The following SLC7A2 variants were observed in gnomAD, a reference collection of about 807,000 sequenced individuals.
SLC7A2 encodes cationic amino acid transporter 2.
In SLC7A2, 48 loss-of-function variants were observed where a neutral mutation model predicts 58.9. The observed-to-expected ratio is 0.82, with a 90% CI of 0.65 to 1.04. The LOEUF is 1.04. SLC7A2 is among the 50% of genes least tolerant of loss of function. The probability of loss-of-function intolerance (pLI) is 0.00; values close to 1 mark genes in which losing one functional copy is unlikely to be tolerated. For synonymous variants in SLC7A2, 363 were observed against 314.5 expected (o/e 1.15, Z -1.63); for missense variants, 1,029 against 818.8 (o/e 1.26, Z -3.13).
chr8:17,543,250 G>T, intron 2 of SLC7A2, 68 bp from the exon 3 acceptor site: 1 of 1,413,792 alleles, frequency 7.1e-7, no homozygotes, highest in South Asian at 1.3e-5. Context: ...ATTGTGCCTG[G>T]AAGCTAGGTT....
At chr8:17,561,021 C>G (rs932759986) in intron 10 of SLC7A2, among the ~76,000 whole-genome samples, 20 of 152,212 alleles carry the variant, frequency 1.3e-4, no homozygotes, top group Admixed American at 1.3e-3. Context: ...CGTACTCTCA[C>G]TGGCCTTTAC....
At chr8:17,521,092 T>C (rs1169254379) in intron 2 of SLC7A2, among the ~76,000 whole-genome samples, 1 of 152,214 alleles carries the variant, frequency 6.6e-6, no homozygotes, top group Non-Finnish European at 1.5e-5. Flanking sequence ...GGCTAATATA[T>C]GTAAGGTAAC....
In SLC7A2 at chr8:17,567,139, G is replaced by C. The variant is rs1187207179; in HGVS notation, c.*1993G>C. ...CCAGAATTTTCTCTCAAGCTGCGTG[G>C]TTTACTGGAGAGAAGGAGTTGGATA... On this transcript the variant is annotated 3_prime_UTR_variant, in exon 13 of 13. Coordinates refer to ENST00000494857, the MANE Select transcript of SLC7A2 (RefSeq NM_001370338.1). 6.6e-6 allele frequency: 1 copy of C among 152,578 alleles called. No individual in the cohort carries two copies. Among genetic ancestry groups the C allele is most frequent in the Non-Finnish European group, 1.5e-5 (1 of 68,042 alleles). The allele number at this position is 152,578 out of a possible 1,614,324, so 9.5% of individuals were successfully genotyped here. A position where few individuals can be genotyped will look rare whatever the true frequency, so the allele number is the denominator to read the frequency against.
intron 2 of SLC7A2, among the ~76,000 whole-genome samples, chr8:17,509,135 G>A (rs774307772): frequency 6.6e-6 from 1 of 151,920 alleles, no homozygotes; most frequent in African/African-American, 2.4e-5. Flanking sequence ...TTAAAGAATG[G>A]GCCTTTCCTT....
intron 2 of SLC7A2, among the ~76,000 whole-genome samples, chr8:17,507,094 A>G (rs1054960536): frequency 6.6e-6 from 1 of 151,916 alleles, no homozygotes; most frequent in African/African-American, 2.4e-5. Flanking sequence ...ATAGGCGGGC[A>G]CCACCATGCC....
rs766136135 is a variant in SLC7A2 at position 17,566,352 on chromosome 8, G to C, written c.*1206G>C. ...AAAATCCCCCTGTTCTGATAGGAAC[G>C]GCCTGTTCCATTGTTAAATGGCAAA... On this transcript the variant is annotated 3_prime_UTR_variant, in exon 13 of 13. Coordinates refer to ENST00000494857, the MANE Select transcript of SLC7A2 (RefSeq NM_001370338.1). 1 of 152,142 alleles carries C rather than the reference G, an allele frequency of 6.6e-6. No homozygotes were observed. Among genetic ancestry groups the C allele is most frequent in the South Asian group, 2.1e-4 (1 of 4,830 alleles). 9.4% of individuals were successfully genotyped at this position (152,142 alleles called of 1,614,324 possible).
At chr8:17,520,641 TAAAAAAAAAAAAAAAA>T (rs61512531) in intron 2 of SLC7A2, 9 of 61,096 alleles carry the variant, frequency 1.5e-4, no homozygotes, top group East Asian at 9.4e-4. Flanking sequence ...ACTCTGTCTT[TAAAAAAAAAAAAAAAA>T]AAAAAAAAAA....
chr8:17,532,240 A>AAAACAAAAAAAAC (rs1801484899), intron 2 of SLC7A2, among the ~76,000 whole-genome samples: 1 of 109,250 alleles, frequency 9.2e-6, no homozygotes, highest in African/African-American at 3.2e-5. Flanking sequence ...AAAAAAAAAA[A>AAAACAAAAAAAAC]AAAAAAAAAA....
At chr8:17,508,672 C>G (rs535024569) in intron 2 of SLC7A2, among the ~76,000 whole-genome samples, 5 of 151,374 alleles carry the variant, frequency 3.3e-5, no homozygotes, top group African/African-American at 7.3e-5. Context: ...TACAGTGAGG[C>G]GAGACCACTC....
In SLC7A2 at chr8:17,570,132, G is replaced by C. The variant is rs1171953160; in HGVS notation, c.*4986G>C. 1 of 152,190 alleles carries C rather than the reference G, an allele frequency of 6.6e-6. No individual in the cohort carries two copies. The highest frequency in any genetic ancestry group is 1.5e-5 in the Non-Finnish European group (1 of 68,050). The allele number at this position is 152,190 out of a possible 1,614,324, so 9.4% of individuals were successfully genotyped here. A position where few individuals can be genotyped will look rare whatever the true frequency, so the allele number is the denominator to read the frequency against. On this transcript the variant is annotated 3_prime_UTR_variant, in exon 13 of 13. Coordinates refer to ENST00000494857, the MANE Select transcript of SLC7A2 (RefSeq NM_001370338.1). The stretch of plus-strand genomic sequence containing the variant: ...GGTCTACAATTTATGCACATGCACT[G>C]ACAGCCTTGCTGTGCCACGTGTCTC...
intron 4 of SLC7A2, 111 bp from the exon 5 acceptor site, chr8:17,548,567 A>C (rs1802286782): frequency 6.6e-6 from 5 of 755,410 alleles, no homozygotes; most frequent in Non-Finnish European, 1.1e-5. Context: ...GATAGATGGA[A>C]ATTAAAGACA....
At position 17,519,389 on chromosome 8, in the gene SLC7A2, T is replaced by C. The variant is rs536598839; in HGVS notation, c.-23+17087T>C. The stretch of plus-strand genomic sequence containing the variant: ...GAGCATGTCTCATTCCAGGAACTTA[T>C]CAGAACTCTTCTGAAATTATAAATT... On this transcript the variant is annotated intron_variant, in intron 2 of 12. Coordinates refer to ENST00000494857, the MANE Select transcript of SLC7A2 (RefSeq NM_001370338.1). Among the ~76,000 whole-genome samples, 3 of 152,326 alleles carry C rather than the reference T, an allele frequency of 2.0e-5. No homozygotes were observed. The East Asian group carries it at 5.8e-4, about 29-fold the overall frequency.
intron 2 of SLC7A2, among the ~76,000 whole-genome samples, chr8:17,539,936 C>T (rs1017476092): frequency 2.0e-5 from 3 of 152,068 alleles, no homozygotes; most frequent in African/African-American, 4.8e-5. Context: ...ATATGGGGAG[C>T]TTATCTTTTT....
intron 2 of SLC7A2, among the ~76,000 whole-genome samples, chr8:17,537,458 C>G (rs896750499): frequency 6.6e-6 from 1 of 152,170 alleles, no homozygotes; most frequent in African/African-American, 2.4e-5. Flanking sequence ...CCGACCTAAT[C>G]ATTTTGTTCG....
chr8:17,536,519 G>A (rs1283190175), intron 2 of SLC7A2, among the ~76,000 whole-genome samples: 1 of 152,006 alleles, frequency 6.6e-6, no homozygotes, highest in Non-Finnish European at 1.5e-5. Flanking sequence ...AGCCAAGATT[G>A]CACCACTGCA....
At chr8:17,546,449 A>G (rs1158403380) in intron 4 of SLC7A2, among the ~76,000 whole-genome samples, 1 of 152,250 alleles carries the variant, frequency 6.6e-6, no homozygotes, top group Non-Finnish European at 1.5e-5. Context: ...TACTAAAGAT[A>G]CACGGGAAGT....
intron 2 of SLC7A2, among the ~76,000 whole-genome samples, chr8:17,524,590 C>G (rs1021330855): frequency 1.6e-4 from 25 of 151,984 alleles, no homozygotes; most frequent in African/African-American, 5.8e-4. Context: ...TTCTCAGTCA[C>G]ATGTGGGAGC....
chr8:17,555,122 G>C (rs367687668), intron 8 of SLC7A2: 2 of 1,601,536 alleles, frequency 1.2e-6, no homozygotes, highest in Admixed American at 3.4e-5. Flanking sequence ...CATTAGACTG[G>C]AACATTTAAT....
chr8:17,557,564 C>T (rs1802764876), intron 8 of SLC7A2, among the ~76,000 whole-genome samples: 1 of 152,176 alleles, frequency 6.6e-6, no homozygotes. Context: ...GGCACTGTGA[C>T]TCACACCTGT....
Sources: allele counts gnomAD v4.1 joint callset (sites outside exome capture counted in the v4.1 genomes callset), GRCh38; gene constraint gnomAD v4.1.1; transcripts MANE v1.5; gene names NCBI Gene and HGNC (gene_info 2026-07-23, HGNC 2026-07-21).